The following TRIP12 variants were observed in gnomAD, a reference collection of about 807,000 sequenced individuals.
TRIP12 encodes the protein E3 ubiquitin-protein ligase TRIP12.
In TRIP12, 25 loss-of-function variants were observed where a neutral mutation model predicts 244.2. The ratio of observed to expected loss-of-function variants is 0.10; its 90% CI spans 0.07 to 0.14. TRIP12 has a LOEUF of 0.14. Ranked by LOEUF, TRIP12 falls within the 10% of genes least tolerant of loss-of-function variation. The pLI is 1.00. For missense variants in TRIP12, 1,677 were observed against 2,486.4 expected (o/e 0.67, Z 6.92); for synonymous variants, 905 against 873.1 (o/e 1.04, Z -0.64).
rs558080736 is a variant in TRIP12 at position 229,834,766 on chromosome 2, GA to G, written c.1270+2081del. On this transcript the variant is annotated intron_variant, in intron 6 of 41. Transcript: ENST00000675903. ...CAGAGAGAAACTTTTCCTCAAAGAAGAAAAAAAAAAAGAATGCACAGGAGTC... is the reference window on the plus strand; with the variant it reads ...CAGAGAGAAACTTTTCCTCAAAGAAGAAAAAAAAAAGAATGCACAGGAGTC... 1.4e-3 allele frequency among the ~76,000 whole-genome samples: 197 copies of G among 143,032 alleles called. 1 individual carries two copies. Among genetic ancestry groups the G allele is most frequent in the Admixed American group, 2.1e-3 (30 of 14,274 alleles). The allele number at this position is 143,032 out of a possible 152,430, so 93.8% of individuals were successfully genotyped here. A position where few individuals can be genotyped will look rare whatever the true frequency, so the allele number is the denominator to read the frequency against.
intron 8 of TRIP12, among the ~76,000 whole-genome samples, chr2:229,826,770 A>G (rs1480215285): frequency 1.3e-5 from 2 of 152,204 alleles, no homozygotes; most frequent in Non-Finnish European, 2.9e-5. Flanking sequence ...TAATATATCT[A>G]CAAATAGAAG....
intron 34 of TRIP12, among the ~76,000 whole-genome samples, chr2:229,782,153 A>G (rs988727913): frequency 2.0e-5 from 3 of 152,170 alleles, no homozygotes; most frequent in South Asian, 4.1e-4. Flanking sequence ...CTGCAGTCTC[A>G]TAAGTAACAA....
Position 229,829,061 on chromosome 2 carries a change from T to C in TRIP12, c.1450+132A>G. 5 of 691,384 alleles carry C rather than the reference T, an allele frequency of 7.2e-6. No individual in the cohort carries two copies. In the South Asian group the frequency reaches 8.4e-5, roughly 12 times the overall value. The allele number at this position is 691,384 out of a possible 1,614,324, so 42.8% of individuals were successfully genotyped here. A position where few individuals can be genotyped will look rare whatever the true frequency, so the allele number is the denominator to read the frequency against. On this transcript the variant is annotated intron_variant, in intron 8 of 41. Transcript: ENST00000675903. ...GAAAGCTGTATTTAAGGTGTGATTGTACACAGCCTTATTTTTAAAAATGGG... is the reference window on the plus strand; with the variant it reads ...GAAAGCTGTATTTAAGGTGTGATTGCACACAGCCTTATTTTTAAAAATGGG...
At position 229,793,155 on chromosome 2, in the gene TRIP12, ATTTGTG is replaced by A. The variant is rs1488550962; in HGVS notation, c.3969-16_3969-11del. ...TCTGTTGAGAGAAAAGCTCAAGATA[ATTTGTG>A]AAAAAAAAGTTAGTCTATTATTTTC... On this transcript the variant is annotated splice_polypyrimidine_tract_variant and intron_variant, in intron 26 of 41. Transcript: ENST00000675903. 9 of 1,602,028 alleles carry A rather than the reference ATTTGTG, an allele frequency of 5.6e-6. No homozygotes were observed. Among genetic ancestry groups the A allele is most frequent in the Middle Eastern group, 1.7e-4 (1 of 5,908 alleles).
chr2:229,802,483 G>A (rs779609052), intron 20 of TRIP12, 24 bp from the exon 21 acceptor site: 5 of 1,584,576 alleles, frequency 3.2e-6, no homozygotes, highest in Admixed American at 3.4e-5. Context: ...GAGATGAAAG[G>A]GAGTCAGTTT....
At chr2:229,875,220 C>G (rs185782673) in intron 2 of TRIP12, among the ~76,000 whole-genome samples, 11 of 152,252 alleles carry the variant, frequency 7.2e-5, no homozygotes, top group African/African-American at 2.6e-4. Context: ...AAAAGGAGAG[C>G]AGAGGTAAAA....
At chr2:229,799,079 G>A in intron 22 of TRIP12, 30 bp from the exon 23 acceptor site, 1 of 1,609,482 alleles carries the variant, frequency 6.2e-7, no homozygotes. Context: ...CTACAGTTAA[G>A]TCATTTTAGT....
At chr2:229,792,290 T>A in intron 27 of TRIP12, 64 bp from the exon 28 acceptor site, 1 of 1,341,820 alleles carries the variant, frequency 7.5e-7, no homozygotes, top group African/African-American at 1.5e-5. Context: ...AAAAATCCTG[T>A]ATACACACTG....
intron 1 of TRIP12, among the ~76,000 whole-genome samples, chr2:229,895,228 A>G (rs576957144): frequency 6.6e-6 from 1 of 152,342 alleles, no homozygotes; most frequent in South Asian, 2.1e-4. Context: ...TAAAATAATA[A>G]AGCTCAGACA....
At chr2:229,898,760 A>C (rs984836126) in intron 1 of TRIP12, among the ~76,000 whole-genome samples, 1 of 152,168 alleles carries the variant, frequency 6.6e-6, no homozygotes, top group African/African-American at 2.4e-5. Context: ...AGCACAATCA[A>C]AGCTCACTAT....
intron 1 of TRIP12, among the ~76,000 whole-genome samples, chr2:229,919,011 G>T (rs2076004086): frequency 1.3e-5 from 2 of 152,164 alleles, no homozygotes; most frequent in Admixed American, 1.3e-4. Flanking sequence ...CTACTAACTG[G>T]TAGTGTGTGA....
intron 37 of TRIP12, among the ~76,000 whole-genome samples, chr2:229,776,251 TTTAC>T (rs2036218454): frequency 6.6e-6 from 1 of 152,178 alleles, no homozygotes; most frequent in South Asian, 2.1e-4. Context: ...AGCCTCCTGT[TTTAC>T]TTGCTTTTTT....
rs1324210839 is a variant in TRIP12, at chr2:229,791,934, T to C, written c.4347A>G (p.Arg1449=). 5.6e-6 allele frequency: 9 copies of C among 1,614,038 alleles called. No homozygotes were observed. The highest frequency in any genetic ancestry group is 2.7e-5 in the African/African-American group (2 of 74,934). ...RQFSIQAEDE[R]ESTDDESNPL... ...GATTGCTCTCATCATCTGTGGATTC[T>C]CTTTCATCTTCAGCCTGTATACTAA... The change falls in exon 29 of 42, where the codon AGA becomes AGG. Residue 1449 remains arginine (R), a synonymous_variant. Transcript: ENST00000675903.
At chr2:229,909,687 C>CAA (rs1164187025) in intron 1 of TRIP12, among the ~76,000 whole-genome samples, 2 of 136,194 alleles carry the variant, frequency 1.5e-5, no homozygotes. Context: ...CTGTCTTTAC[C>CAA]AAAAAAAAAA....
rs115354577 is a variant in TRIP12, at chr2:229,866,614, C to T, written c.99-6083G>A. Among the ~76,000 whole-genome samples, 760 of 152,068 alleles carry T rather than the reference C, an allele frequency of 5.0e-3. 6 individuals carry two copies. Among genetic ancestry groups the T allele is most frequent in the African/African-American group, 0.017 (709 of 41,494 alleles). ...CACTGCCTCTGATAGAGTTGAGAAC[C>T]ATTGTACTAAGCTACTCATTTCAAA... On this transcript the variant is annotated intron_variant, in intron 2 of 41. Transcript: ENST00000675903.
intron 1 of TRIP12, among the ~76,000 whole-genome samples, chr2:229,891,839 T>A (rs780167044): frequency 6.6e-6 from 1 of 152,152 alleles, no homozygotes; most frequent in Non-Finnish European, 1.5e-5. Context: ...AAAGAAATAC[T>A]TGCACAAGTA....
At position 229,840,639 on chromosome 2, in the gene TRIP12, T is replaced by C. The variant is rs1305811692; in HGVS notation, c.1133+183A>G. Among the ~76,000 whole-genome samples the C allele has an allele frequency of 3.9e-5, 6 of 152,208 alleles. No homozygotes were observed. In the South Asian group the frequency reaches 1.0e-3, roughly 26 times the overall value. ...ACCACCTGAACCCGGGAGGCGCAGG[T>C]TGCAGTGAGCCAAGATCGCGCCACT... On this transcript the variant is annotated intron_variant, in intron 5 of 41. Transcript: ENST00000675903.
At chr2:229,809,700 T>C (rs2046794002) in intron 15 of TRIP12, among the ~76,000 whole-genome samples, 1 of 152,038 alleles carries the variant, frequency 6.6e-6, no homozygotes, top group Admixed American at 6.5e-5. Flanking sequence ...GAGCACTTTC[T>C]TCAGGACCAC....
chr2:229,834,831 T>A (rs2054371377), intron 6 of TRIP12, among the ~76,000 whole-genome samples: 1 of 152,118 alleles, frequency 6.6e-6, no homozygotes, highest in Admixed American at 6.5e-5. Flanking sequence ...AACACTACAC[T>A]TTCAACTTCA....
Sources: allele counts gnomAD v4.1 joint callset (sites outside exome capture counted in the v4.1 genomes callset), GRCh38; gene constraint gnomAD v4.1.1; transcripts MANE v1.5; gene names NCBI Gene and HGNC (gene_info 2026-07-23, HGNC 2026-07-21).